CAMSAP1: variants seen among roughly 807,000 people sequenced by gnomAD.
CAMSAP1 encodes the protein calmodulin-regulated spectrin-associated protein 1.
A neutral mutation model predicts 143.5 loss-of-function variants in CAMSAP1; 58 were observed. The observed-to-expected ratio is 0.40, with a 90% CI of 0.33 to 0.50. The LOEUF is 0.50. CAMSAP1 is among the 20% of genes least tolerant of loss of function. The pLI is 0.45. For synonymous variants in CAMSAP1, 945 were observed against 859.3 expected, an observed-to-expected ratio of 1.10 and a Z score of -1.74; for missense variants, 1,969 against 2,115.7, an observed-to-expected ratio of 0.93 and a Z score of 1.36.
chr9:135,876,197 C>T (rs1334346880), intron 3 of CAMSAP1, among the ~76,000 whole-genome samples: 1 of 152,190 alleles, frequency 6.6e-6, no homozygotes. Flanking sequence ...AGGCAATCTG[C>T]CCACCTCGGC....
Position 135,810,742 on chromosome 9 carries a change from A to G in CAMSAP1, c.*567T>C, listed in dbSNP as rs1835017097. The G allele has an allele frequency of 6.5e-6, 1 of 152,836 alleles. No homozygotes were observed. The highest frequency in any genetic ancestry group is 6.5e-5 in the Admixed American group (1 of 15,298). 9.5% of individuals were successfully genotyped at this position (152,836 alleles called of 1,614,324 possible). On this transcript the variant is annotated 3_prime_UTR_variant, in exon 17 of 17. Coordinates refer to ENST00000389532, the MANE Select transcript of CAMSAP1 (RefSeq NM_015447.4). ...CTTAGAATTGGATATAAATGTTGGCAGTAGACACAACCAATAAATATCATA... is the reference window on the plus strand; with the variant it reads ...CTTAGAATTGGATATAAATGTTGGCGGTAGACACAACCAATAAATATCATA...
chr9:135,868,074 A>G (rs1352926854), intron 3 of CAMSAP1, among the ~76,000 whole-genome samples: 3 of 152,126 alleles, frequency 2.0e-5, no homozygotes, highest in Non-Finnish European at 4.4e-5. Flanking sequence ...TCAACCTAAA[A>G]TTTTATATCC....
intron 3 of CAMSAP1, among the ~76,000 whole-genome samples, chr9:135,867,799 A>G (rs893482764): frequency 1.3e-5 from 2 of 152,266 alleles, no homozygotes; most frequent in Non-Finnish European, 2.9e-5. Flanking sequence ...ACAAGGCAAG[A>G]GGGGAACCCT....
chr9:135,888,616 G>C (rs900405076), intron 1 of CAMSAP1, among the ~76,000 whole-genome samples: 1 of 152,212 alleles, frequency 6.6e-6, no homozygotes, highest in Non-Finnish European at 1.5e-5. Context: ...CCCGTGGGCG[G>C]CCTGGCTATC....
At chr9:135,836,988 C>A (rs1455299638) in intron 7 of CAMSAP1, 19 of 962,782 alleles carry the variant, frequency 2.0e-5, no homozygotes, top group Non-Finnish European at 2.3e-5. Context: ...AGACACACAT[C>A]ATCACGCACT....
At chr9:135,904,419 A>AG (rs1838709927) in intron 1 of CAMSAP1, among the ~76,000 whole-genome samples, 2 of 149,886 alleles carry the variant, frequency 1.3e-5, no homozygotes. Context: ...AAAAAAAAAA[A>AG]GGAAAAAAGA....
At chr9:135,836,880 G>A (rs988088802) in intron 7 of CAMSAP1, 30 of 972,126 alleles carry the variant, frequency 3.1e-5, no homozygotes, top group Non-Finnish European at 3.5e-5. Flanking sequence ...CTACAAACAC[G>A]TCACCACACT....
Position 135,880,348 on chromosome 9 carries a change from G to A in CAMSAP1, c.585+1285C>T, listed in dbSNP as rs188223808. Among the ~76,000 whole-genome samples the A allele has an allele frequency of 2.2e-4, 33 of 152,160 alleles. No individual in the cohort carries two copies. In the Middle Eastern group the frequency reaches 0.01, roughly 47 times the overall value. ...TCACCACCAAGAGGCGTCCTCATGG[G>A]TAGAGGCAGAGTGGGGCAGAGATGC... On this transcript the variant is annotated intron_variant, in intron 3 of 16. Transcript: ENST00000389532.
At chr9:135,819,563 G>GCA (rs1835367499) in intron 11 of CAMSAP1, among the ~76,000 whole-genome samples, 1 of 151,422 alleles carries the variant, frequency 6.6e-6, no homozygotes, top group Admixed American at 6.6e-5. Flanking sequence ...GCTAGATGTG[G>GCA]TGGCTCACGC....
chr9:135,884,608 T>C (rs570607369), intron 1 of CAMSAP1, among the ~76,000 whole-genome samples: 8 of 152,344 alleles, frequency 5.3e-5, no homozygotes, highest in African/African-American at 1.2e-4. Flanking sequence ...GCTTAGTGGA[T>C]GTTAACAGAC....
At chr9:135,875,007 A>AG (rs1837692380) in intron 3 of CAMSAP1, among the ~76,000 whole-genome samples, 1 of 152,212 alleles carries the variant, frequency 6.6e-6, no homozygotes, top group South Asian at 2.1e-4. Flanking sequence ...GAAGCTGTGA[A>AG]GCTGTTAGGT....
In CAMSAP1 at chr9:135,810,479, C is replaced by G. The variant is rs991237290; in HGVS notation, c.*830G>C. On this transcript the variant is annotated 3_prime_UTR_variant, in exon 17 of 17. Transcript: ENST00000389532. ...GTGAACAAACCATTAGAGCACTACC[C>G]AAAACTTAATGAATGATGGCTGCAG... is the stretch of plus-strand genomic sequence containing the variant. 3 of 152,572 alleles carry G rather than the reference C, an allele frequency of 2.0e-5. No individual in the cohort carries two copies. Among genetic ancestry groups the G allele is most frequent in the African/African-American group, 7.2e-5 (3 of 41,416 alleles). The allele number at this position is 152,572 out of a possible 1,614,324, so 9.5% of individuals were successfully genotyped here. A position where few individuals can be genotyped will look rare whatever the true frequency, so the allele number is the denominator to read the frequency against.
At chr9:135,861,363 A>G (rs1484176736) in intron 5 of CAMSAP1, among the ~76,000 whole-genome samples, 1 of 145,468 alleles carries the variant, frequency 6.9e-6, no homozygotes, top group African/African-American at 2.6e-5. Flanking sequence ...CCCAGGCTGG[A>G]ATTCTCTGGT....
At chr9:135,875,705 T>C (rs1424375985) in intron 3 of CAMSAP1, among the ~76,000 whole-genome samples, 4 of 152,184 alleles carry the variant, frequency 2.6e-5, no homozygotes, top group Non-Finnish European at 5.9e-5. Context: ...ATCTCTTCCA[T>C]AAATGGTTTC....
In CAMSAP1 at chr9:135,809,355, T is replaced by A. The variant is rs1043004786; in HGVS notation, c.*1954A>T. The A allele has an allele frequency of 2.6e-5, 4 of 152,210 alleles. No individual in the cohort carries two copies. Among genetic ancestry groups the A allele is most frequent in the African/African-American group, 9.7e-5 (4 of 41,442 alleles). The allele number at this position is 152,210 out of a possible 1,614,324, so 9.4% of individuals were successfully genotyped here. Reference sequence around the variant, plus strand: ...ACAAGTTTCAGGATGTTCCACACACTGACTCATTCCATGGAGAAAATCCAG... The same window carrying A: ...ACAAGTTTCAGGATGTTCCACACACAGACTCATTCCATGGAGAAAATCCAG... On this transcript the variant is annotated 3_prime_UTR_variant, in exon 17 of 17. Transcript: ENST00000389532.
intron 5 of CAMSAP1, among the ~76,000 whole-genome samples, chr9:135,853,457 T>C (rs542513960): frequency 2.0e-5 from 3 of 152,354 alleles, no homozygotes; most frequent in South Asian, 2.1e-4. Context: ...AATTTCTGCA[T>C]TGCCTTGTTA....
intron 1 of CAMSAP1, among the ~76,000 whole-genome samples, chr9:135,883,662 A>G (rs940068601): frequency 6.6e-6 from 1 of 152,252 alleles, no homozygotes; most frequent in African/African-American, 2.4e-5. Flanking sequence ...ACGACACAGC[A>G]GCAGCAGCAG....
chr9:135,892,706 C>A (rs370239595), intron 1 of CAMSAP1, among the ~76,000 whole-genome samples: 20 of 151,816 alleles, frequency 1.3e-4, no homozygotes, highest in African/African-American at 4.8e-4. Flanking sequence ...CAAAAATTAG[C>A]CAGGCATGGT....
At chr9:135,812,857 T>C (rs907307390) in intron 16 of CAMSAP1, among the ~76,000 whole-genome samples, 24 of 151,780 alleles carry the variant, frequency 1.6e-4, no homozygotes, top group Admixed American at 1.5e-3. Context: ...TAGTCCGAGC[T>C]ACTCAGAGAA....
Sources: allele counts gnomAD v4.1 joint callset (sites outside exome capture counted in the v4.1 genomes callset), GRCh38; gene constraint gnomAD v4.1.1; transcripts MANE v1.5; gene names NCBI Gene and HGNC (gene_info 2026-07-23, HGNC 2026-07-21).